KCNN2: variants seen among roughly 807,000 people sequenced by gnomAD.
KCNN2 encodes potassium calcium-activated channel subfamily N member 2, also known as small conductance calcium-activated potassium channel protein 2.
KCNN2 carries 24 observed loss-of-function variants against 55.5 expected under a neutral mutation model. The ratio of observed to expected loss-of-function variants is 0.43; its 90% CI spans 0.31 to 0.61. KCNN2 has a LOEUF of 0.61. Ranked by LOEUF, KCNN2 falls within the 20% of genes least tolerant of loss-of-function variation. KCNN2 has a pLI of 0.08. For missense variants in KCNN2, 754 were observed against 853.6 expected (o/e 0.88, Z 1.45); for synonymous variants, 431 against 336.1 (o/e 1.28, Z -3.09).
At chr5:114,417,594 C>A (rs1054484457) in intron 3 of KCNN2, among the ~76,000 whole-genome samples, 1 of 152,074 alleles carries the variant, frequency 6.6e-6, no homozygotes, top group Non-Finnish European at 1.5e-5. Context: ...TTTATTGTGA[C>A]GTAGGTGCCT....
At chr5:114,137,501 T>G (rs1752198020) in intron 1 of KCNN2, among the ~76,000 whole-genome samples, 1 of 152,140 alleles carries the variant, frequency 6.6e-6, no homozygotes, top group Non-Finnish European at 1.5e-5. Context: ...AACACTATCA[T>G]TTGTGAGAAA....
At chr5:114,355,679 G>T (rs1384867435) in intron 2 of KCNN2, among the ~76,000 whole-genome samples, 1 of 150,990 alleles carries the variant, frequency 6.6e-6, no homozygotes, top group Non-Finnish European at 1.5e-5. Flanking sequence ...AACCAAACTG[G>T]ATGCCTGCAA....
At chr5:114,292,160 C>A (rs1170311457) in intron 2 of KCNN2, among the ~76,000 whole-genome samples, 1 of 152,062 alleles carries the variant, frequency 6.6e-6, no homozygotes, top group Non-Finnish European at 1.5e-5. Flanking sequence ...ACTCTGATGG[C>A]AGTTTCTTTT....
At chr5:114,289,326 C>T (rs1453355679) in intron 2 of KCNN2, among the ~76,000 whole-genome samples, 1 of 150,424 alleles carries the variant, frequency 6.6e-6, no homozygotes, top group African/African-American at 2.4e-5. Context: ...TGACCAGTTT[C>T]AAGATTGTTT....
At chr5:114,351,282 T>C (rs1283999914) in intron 2 of KCNN2, among the ~76,000 whole-genome samples, 2 of 151,896 alleles carry the variant, frequency 1.3e-5, no homozygotes, top group Non-Finnish European at 3.0e-5. Flanking sequence ...AATTGATTTG[T>C]ATTGATGTTG....
intron 6 of KCNN2, among the ~76,000 whole-genome samples, chr5:114,491,658 T>G (rs753342650): frequency 6.6e-6 from 1 of 152,024 alleles, no homozygotes; most frequent in East Asian, 1.9e-4. Context: ...ATCTTAAGTA[T>G]CACTTAAAGG....
At chr5:114,454,541 T>C (rs1056948118) in intron 3 of KCNN2, among the ~76,000 whole-genome samples, 2 of 152,192 alleles carry the variant, frequency 1.3e-5, no homozygotes, top group Non-Finnish European at 2.9e-5. Flanking sequence ...AAAATATTCT[T>C]TCTCTGTATT....
chr5:114,237,256 T>TCACACACACACACACACACA (rs10643853), intron 2 of KCNN2, among the ~76,000 whole-genome samples: 1 of 138,504 alleles, frequency 7.2e-6, no homozygotes, highest in Non-Finnish European at 1.5e-5. Flanking sequence ...TTGTCAAAAT[T>TCACACACACACACACACACA]CACACACACA....
intron 1 of KCNN2, among the ~76,000 whole-genome samples, chr5:114,213,597 T>C (rs550630381): frequency 6.6e-6 from 1 of 152,072 alleles, no homozygotes; most frequent in African/African-American, 2.4e-5. Context: ...AAAAAATCTA[T>C]TTCCTTCAAA....
At chr5:114,239,009 AAAC>A (rs1266913397) in intron 2 of KCNN2, among the ~76,000 whole-genome samples, 1 of 152,180 alleles carries the variant, frequency 6.6e-6, no homozygotes, top group East Asian at 1.9e-4. Flanking sequence ...TTACTTTCTG[AAAC>A]AACAACAGAT....
chr5:114,282,685 A>G (rs1340906481), intron 2 of KCNN2, among the ~76,000 whole-genome samples: 7 of 152,192 alleles, frequency 4.6e-5, no homozygotes, highest in South Asian at 2.1e-4. Context: ...TGTTGGTATC[A>G]TAAAATAAGG....
chr5:114,343,343 C>T (rs1486776104), intron 2 of KCNN2, among the ~76,000 whole-genome samples: 2 of 152,056 alleles, frequency 1.3e-5, no homozygotes, highest in Admixed American at 6.6e-5. Context: ...GTCTATATCT[C>T]ATTATTGAGA....
chr5:114,428,994 G>A (rs756773834), intron 3 of KCNN2, among the ~76,000 whole-genome samples: 16 of 152,200 alleles, frequency 1.1e-4, no homozygotes, highest in Non-Finnish European at 2.1e-4. Flanking sequence ...TGGCTTCCAA[G>A]TTTGGGCAAT....
chr5:114,334,499 A>G (rs1156538689), intron 2 of KCNN2, among the ~76,000 whole-genome samples: 2 of 152,148 alleles, frequency 1.3e-5, no homozygotes, highest in Non-Finnish European at 1.5e-5. Context: ...ATATACGCAC[A>G]TACATACACA....
At chr5:114,128,451 T>G (rs1224510077) in intron 1 of KCNN2, among the ~76,000 whole-genome samples, 1 of 152,184 alleles carries the variant, frequency 6.6e-6, no homozygotes, top group Non-Finnish European at 1.5e-5. Flanking sequence ...CTCCATGATT[T>G]GATTATCTCC....
chr5:114,342,115 A>C (rs1323962930), intron 2 of KCNN2, among the ~76,000 whole-genome samples: 2 of 151,906 alleles, frequency 1.3e-5, no homozygotes, highest in Non-Finnish European at 2.9e-5. Flanking sequence ...GTTAGCCAGG[A>C]TGGTCTCGAT....
intron 3 of KCNN2, among the ~76,000 whole-genome samples, chr5:114,441,119 G>A (rs1456045408): frequency 6.6e-6 from 1 of 152,046 alleles, no homozygotes; most frequent in African/African-American, 2.4e-5. Flanking sequence ...AATGTAAACT[G>A]CAATTCACTG....
chr5:114,235,884 C>T (rs56132343), intron 2 of KCNN2, among the ~76,000 whole-genome samples: 14,698 of 152,174 alleles, frequency 0.097, 852 homozygotes, highest in Non-Finnish European at 0.13. Flanking sequence ...AGTATGAAAA[C>T]GGCTGGATGA....
chr5:114,282,929 A>G (rs1040876385), intron 2 of KCNN2, among the ~76,000 whole-genome samples: 2 of 152,200 alleles, frequency 1.3e-5, no homozygotes, highest in African/African-American at 2.4e-5. Flanking sequence ...CTGTCAAGGT[A>G]TCAGTTATAG....
Sources: allele counts gnomAD v4.1 joint callset (sites outside exome capture counted in the v4.1 genomes callset), GRCh38; gene constraint gnomAD v4.1.1; transcripts MANE v1.5; gene names NCBI Gene and HGNC (gene_info 2026-07-23, HGNC 2026-07-21).